MON2: variants seen among roughly 807,000 people sequenced by gnomAD.
The protein encoded by MON2 is protein MON2 homolog.
A neutral mutation model predicts 208.6 loss-of-function variants in MON2; 84 were observed. The ratio of observed to expected loss-of-function variants is 0.40; its 90% CI spans 0.34 to 0.48. The LOEUF (loss-of-function observed/expected upper bound fraction) is 0.48. Ranked by LOEUF, MON2 falls within the 20% of genes least tolerant of loss-of-function variation. The probability of loss-of-function intolerance (pLI) is 0.59; values close to 1 mark genes in which losing one functional copy is unlikely to be tolerated. For synonymous variants in MON2, 660 were observed against 694.0 expected (o/e 0.95, Z 0.77); for missense variants, 1,611 against 2,015.4 (o/e 0.80, Z 3.84).
At chr12:62,495,978 A>G (rs1168622255) in intron 4 of MON2, among the ~76,000 whole-genome samples, 2 of 152,088 alleles carry the variant, frequency 1.3e-5, no homozygotes, top group Non-Finnish European at 2.9e-5. Context: ...AAATATTTCT[A>G]AAGAACAGAA....
intron 30 of MON2, among the ~76,000 whole-genome samples, chr12:62,573,599 A>G (rs906280482): frequency 6.6e-6 from 1 of 151,706 alleles, no homozygotes; most frequent in African/African-American, 2.4e-5. Flanking sequence ...ATAATATTTT[A>G]TATAATTTTG....
At chr12:62,566,166 A>G (rs1399510974) in intron 28 of MON2, 135 bp downstream of exon 28, 2 of 1,322,870 alleles carry the variant, frequency 1.5e-6, no homozygotes, top group Non-Finnish European at 2.1e-6. Flanking sequence ...TATTTTTTTC[A>G]TGAAGTACAT....
chr12:62,587,443 G>T (rs2075253120), intron 33 of MON2, among the ~76,000 whole-genome samples: 1 of 152,036 alleles, frequency 6.6e-6, no homozygotes, highest in Admixed American at 6.6e-5. Context: ...TAAGGGCAGG[G>T]CACAGTGGCT....
At chr12:62,590,656 A>G (rs1269548208) in intron 34 of MON2, among the ~76,000 whole-genome samples, 3 of 152,214 alleles carry the variant, frequency 2.0e-5, no homozygotes, top group African/African-American at 7.2e-5. Flanking sequence ...TTGTACACAA[A>G]TGAATATTTG....
intron 8 of MON2, among the ~76,000 whole-genome samples, chr12:62,514,888 A>T (rs1188351343): frequency 6.6e-6 from 1 of 152,266 alleles, no homozygotes; most frequent in Non-Finnish European, 1.5e-5. Flanking sequence ...AAGATGCTCA[A>T]CATCTCCAAT....
At chr12:62,578,647 G>C (rs1052535868) in intron 31 of MON2, 142 bp downstream of exon 31, 1 of 566,090 alleles carries the variant, frequency 1.8e-6, no homozygotes, top group Admixed American at 4.0e-5. Flanking sequence ...CAGGTTAAAC[G>C]TTGATGTTTA....
chr12:62,563,374 G>T (rs777325859), intron 26 of MON2, among the ~76,000 whole-genome samples: 5 of 152,122 alleles, frequency 3.3e-5, no homozygotes, highest in Non-Finnish European at 5.9e-5. Flanking sequence ...CTTAGTACGT[G>T]CCAGGCACTG....
At chr12:62,497,759 G>A (rs553796091) in intron 4 of MON2, among the ~76,000 whole-genome samples, 35 of 152,202 alleles carry the variant, frequency 2.3e-4, no homozygotes, top group African/African-American at 8.4e-4. Context: ...GAGATTACAG[G>A]TGTGCACCAC....
chr12:62,567,262 T>C (rs1051369008), intron 29 of MON2, among the ~76,000 whole-genome samples: 1 of 152,222 alleles, frequency 6.6e-6, no homozygotes, highest in Non-Finnish European at 1.5e-5. Flanking sequence ...CCTTTCTTCA[T>C]TGGTGATTAT....
intron 8 of MON2, among the ~76,000 whole-genome samples, chr12:62,510,650 C>T (rs570999886): frequency 6.6e-6 from 1 of 152,230 alleles, no homozygotes; most frequent in South Asian, 2.1e-4. Flanking sequence ...CCAATAAATG[C>T]CATTTATGAA....
chr12:62,532,361 T>A, intron 11 of MON2, 77 bp from the exon 12 acceptor site: 1 of 1,068,794 alleles, frequency 9.4e-7, no homozygotes, highest in Non-Finnish European at 1.4e-6. Context: ...CTATAGTCTG[T>A]AAATTGTAGA....
At chr12:62,554,093 A>G (rs2073863977) in intron 24 of MON2, among the ~76,000 whole-genome samples, 1 of 152,206 alleles carries the variant, frequency 6.6e-6, no homozygotes, top group Admixed American at 6.5e-5. Context: ...GATCACAAAC[A>G]TGCTTAATTC....
chr12:62,531,895 G>A (rs2072666346), intron 11 of MON2, among the ~76,000 whole-genome samples: 1 of 151,666 alleles, frequency 6.6e-6, no homozygotes, highest in East Asian at 1.9e-4. Flanking sequence ...TCAGCCTCCC[G>A]AGTAGCTGAG....
chr12:62,504,348 C>T (rs2136095974), intron 7 of MON2, among the ~76,000 whole-genome samples: 1 of 151,218 alleles, frequency 6.6e-6, no homozygotes, highest in South Asian at 2.1e-4. Flanking sequence ...ATGTTCACGC[C>T]ATTCTCCTGC....
chr12:62,497,079 T>G (rs1232478516), intron 4 of MON2, among the ~76,000 whole-genome samples: 1 of 139,924 alleles, frequency 7.1e-6, no homozygotes, highest in Non-Finnish European at 1.5e-5. Context: ...ACACCGCATA[T>G]TCTCACTCAT....
At chr12:62,516,936 T>C (rs1450780671) in intron 8 of MON2, among the ~76,000 whole-genome samples, 1 of 152,084 alleles carries the variant, frequency 6.6e-6, no homozygotes, top group African/African-American at 2.4e-5. Context: ...ATAATTACAA[T>C]ATAGTAATAT....
chr12:62,523,086 A>T lies in MON2; in HGVS notation c.985-1429A>T, dbSNP rs7976993. On this transcript the variant is annotated intron_variant, in intron 8 of 34. Transcript: ENST00000393630. ...ATTCACACACACTTATATGCCACTT[A>T]TGCCACTTGTAAAGCTGATATTGCA... Among the ~76,000 whole-genome samples the T allele has an allele frequency of 1.5e-3, 222 of 152,282 alleles. 2 individuals carry two copies. Among genetic ancestry groups the T allele is most frequent in the African/African-American group, 4.8e-3 (200 of 41,568 alleles).
At chr12:62,585,793 T>C (rs1157288536) in intron 33 of MON2, 1 of 202,170 alleles carries the variant, frequency 4.9e-6, no homozygotes, top group African/African-American at 2.3e-5. Context: ...TTCCAAAATA[T>C]ATCTTCTTCC....
intron 30 of MON2, among the ~76,000 whole-genome samples, chr12:62,571,900 A>G (rs1273367081): frequency 6.6e-6 from 1 of 152,262 alleles, no homozygotes; most frequent in Non-Finnish European, 1.5e-5. Flanking sequence ...GGGCATTGCA[A>G]GAGAAAAACA....
Sources: allele counts gnomAD v4.1 joint callset (sites outside exome capture counted in the v4.1 genomes callset), GRCh38; gene constraint gnomAD v4.1.1; transcripts MANE v1.5; gene names NCBI Gene and HGNC (gene_info 2026-07-23, HGNC 2026-07-21).